The following MAGI1 variants were observed in gnomAD, a reference collection of about 807,000 sequenced individuals.
The protein encoded by MAGI1 is membrane associated guanylate kinase, WW and PDZ domain containing 1.
Under a neutral mutation model 139.9 loss-of-function variants are expected in MAGI1, and 58 were observed. The ratio of observed to expected loss-of-function variants is 0.41; its 90% CI spans 0.34 to 0.52. The LOEUF (loss-of-function observed/expected upper bound fraction) is 0.52, where lower values mean the gene tolerates loss of function less well. Ranked by LOEUF, MAGI1 falls within the 20% of genes least tolerant of loss-of-function variation. MAGI1 has a pLI of 0.12. For missense variants in MAGI1, 1,874 were observed against 1,901.6 expected, an observed-to-expected ratio of 0.99 and a Z score of 0.27; for synonymous variants, 812 against 737.9, an observed-to-expected ratio of 1.10 and a Z score of -1.63.
At chr3:65,607,499 C>A (rs1469017056) in intron 2 of MAGI1, among the ~76,000 whole-genome samples, 10 of 152,092 alleles carry the variant, frequency 6.6e-5, no homozygotes, top group African/African-American at 2.4e-4. Flanking sequence ...AAGCACTGTT[C>A]TAGGCCTCAC....
At chr3:65,970,750 G>A (rs564096460) in intron 1 of MAGI1, among the ~76,000 whole-genome samples, 18 of 152,244 alleles carry the variant, frequency 1.2e-4, no homozygotes, top group Middle Eastern at 3.4e-3. Context: ...GGGTTCCAGG[G>A]AAGTTTGTTA....
intron 1 of MAGI1, among the ~76,000 whole-genome samples, chr3:65,732,051 C>A (rs1209190095): frequency 6.6e-6 from 1 of 152,144 alleles, no homozygotes; most frequent in Non-Finnish European, 1.5e-5. Context: ...TATATAGCTT[C>A]TTGGTAGAAA....
chr3:65,930,071 C>G (rs373136961), intron 1 of MAGI1, among the ~76,000 whole-genome samples: 1 of 152,004 alleles, frequency 6.6e-6, no homozygotes, highest in East Asian at 1.9e-4. Flanking sequence ...AATCCCAGCA[C>G]TTTGGGAGGC....
chr3:65,925,133 T>C (rs575402441), intron 1 of MAGI1: 1 of 152,132 alleles, frequency 6.6e-6, no homozygotes, highest in Non-Finnish European at 1.5e-5. Context: ...CCATTGCTCA[T>C]CCAGGAATTG....
intron 2 of MAGI1, among the ~76,000 whole-genome samples, chr3:65,595,969 G>T (rs934565095): frequency 6.6e-6 from 1 of 152,236 alleles, no homozygotes; most frequent in East Asian, 1.9e-4. Flanking sequence ...TGGAGGAATC[G>T]AGTCTCTGTT....
At chr3:65,649,871 A>T (rs1559753943) in intron 1 of MAGI1, among the ~76,000 whole-genome samples, 2 of 152,220 alleles carry the variant, frequency 1.3e-5, no homozygotes, top group African/African-American at 4.8e-5. Flanking sequence ...GCTAGGATAC[A>T]GAAAGCTGGA....
intron 1 of MAGI1, among the ~76,000 whole-genome samples, chr3:65,841,295 A>G (rs1304407676): frequency 6.7e-6 from 1 of 149,534 alleles, no homozygotes; most frequent in East Asian, 2.0e-4. Context: ...TGTTACCTTT[A>G]TTTCCTTTCT....
At chr3:65,693,143 C>G (rs979732793) in intron 1 of MAGI1, among the ~76,000 whole-genome samples, 2 of 152,098 alleles carry the variant, frequency 1.3e-5, no homozygotes, top group Non-Finnish European at 2.9e-5. Flanking sequence ...TGGGGTCTCC[C>G]TGTGTTGCCC....
At chr3:65,376,197 C>A (rs1446577457) in intron 17 of MAGI1, among the ~76,000 whole-genome samples, 1 of 152,154 alleles carries the variant, frequency 6.6e-6, no homozygotes, top group Non-Finnish European at 1.5e-5. Flanking sequence ...TTAGGGGAAT[C>A]CCCAGCTTTC....
At chr3:65,379,031 G>A (rs780469304) in intron 17 of MAGI1, among the ~76,000 whole-genome samples, 1 of 152,116 alleles carries the variant, frequency 6.6e-6, no homozygotes, top group African/African-American at 2.4e-5. Flanking sequence ...TTGTGTATGC[G>A]TGATCACATT....
rs181941830 is a variant in MAGI1, at chr3:65,705,417, A to T, written c.314-83329T>A. Among the ~76,000 whole-genome samples, 27 of 152,344 alleles carry T rather than the reference A, an allele frequency of 1.8e-4. No individual in the cohort carries two copies. In the East Asian group the frequency reaches 4.8e-3, roughly 27 times the overall value. ...CAATACCAACAATACATTATCCCTTAAAAAAGCAACTGTGAGCATTCACTG... is the reference window on the plus strand; with the variant it reads ...CAATACCAACAATACATTATCCCTTTAAAAAGCAACTGTGAGCATTCACTG... On this transcript the variant is annotated intron_variant, in intron 1 of 22. Transcript: ENST00000402939.
intron 2 of MAGI1, among the ~76,000 whole-genome samples, chr3:65,546,035 A>G (rs1397668164): frequency 6.6e-6 from 1 of 151,706 alleles, no homozygotes; most frequent in Non-Finnish European, 1.5e-5. Context: ...ACAAAAATAA[A>G]TCTCCCTCTG....
At chr3:66,014,411 A>G (rs932537925) in intron 1 of MAGI1, among the ~76,000 whole-genome samples, 2 of 152,184 alleles carry the variant, frequency 1.3e-5, no homozygotes, top group East Asian at 1.9e-4. Flanking sequence ...TTTATTTAAT[A>G]TATCATCATC....
chr3:65,595,370 T>C (rs919221650), intron 2 of MAGI1, among the ~76,000 whole-genome samples: 2 of 152,226 alleles, frequency 1.3e-5, no homozygotes, highest in East Asian at 3.9e-4. Flanking sequence ...AAAGAGCTCC[T>C]TTCTGTTAAT....
rs749350565 is a variant in MAGI1 at position 65,493,506 on chromosome 3, A to G, written c.550+6T>C. The G allele has an allele frequency of 1.1e-5, 17 of 1,613,986 alleles. No homozygotes were observed. Among genetic ancestry groups the G allele is most frequent in the Non-Finnish European group, 1.4e-5 (17 of 1,179,988 alleles). Reference sequence around the variant, plus strand: ...AGCTTTTTATGCTGTCGTACAAGTAACTCACCTTCATAGGTGCCGACTTCC... The same window carrying G: ...AGCTTTTTATGCTGTCGTACAAGTAGCTCACCTTCATAGGTGCCGACTTCC... On this transcript the variant is annotated splice_donor_region_variant and intron_variant, in intron 3 of 22. Transcript: ENST00000402939.
At chr3:65,559,886 G>A (rs2080259764) in intron 2 of MAGI1, among the ~76,000 whole-genome samples, 1 of 152,062 alleles carries the variant, frequency 6.6e-6, no homozygotes, top group African/African-American at 2.4e-5. Context: ...TATACAAAAA[G>A]CTAGCCGGGT....
intron 1 of MAGI1, among the ~76,000 whole-genome samples, chr3:65,830,651 T>C (rs1253477195): frequency 6.8e-6 from 1 of 147,368 alleles, no homozygotes; most frequent in Non-Finnish European, 1.5e-5. Flanking sequence ...TCCATTGATT[T>C]ATGATTCACA....
At chr3:65,678,563 T>C (rs550639804) in intron 1 of MAGI1, among the ~76,000 whole-genome samples, 1 of 152,204 alleles carries the variant, frequency 6.6e-6, no homozygotes, top group East Asian at 1.9e-4. Flanking sequence ...GAACAGATCA[T>C]GTCAGGGAAT....
chr3:65,365,618 T>G lies in MAGI1; in HGVS notation c.3197-672A>C, dbSNP rs117669208. The stretch of plus-strand genomic sequence containing the variant: ...CAAGTAGCAACCAACTATGAGCAAG[T>G]TGTATTTTTAATATTTAATTGTAGG... On this transcript the variant is annotated intron_variant, in intron 18 of 22. Transcript: ENST00000402939. Among the ~76,000 whole-genome samples, 82 of 152,306 alleles carry G rather than the reference T, an allele frequency of 5.4e-4. No homozygotes were observed. The East Asian group carries it at 0.013, about 24-fold the overall frequency.
Sources: allele counts gnomAD v4.1 joint callset (sites outside exome capture counted in the v4.1 genomes callset), GRCh38; gene constraint gnomAD v4.1.1; transcripts MANE v1.5; gene names NCBI Gene and HGNC (gene_info 2026-07-23, HGNC 2026-07-21).